Variants in GCN1 observed in about 807,000 individuals in gnomAD.
GCN1 encodes the protein stalled ribosome sensor GCN1.
In GCN1, 90 loss-of-function variants were observed where a neutral mutation model predicts 288.4. The ratio of observed to expected loss-of-function variants is 0.31; its 90% CI spans 0.26 to 0.37. GCN1 has a LOEUF of 0.37. Ranked by LOEUF, GCN1 falls within the 10% of genes least tolerant of loss-of-function variation. The pLI, the probability that GCN1 is intolerant of heterozygous loss-of-function variation, is 1.00. For missense variants in GCN1, 2,586 were observed against 3,419.9 expected (o/e 0.76, Z 6.08); for synonymous variants, 1,386 against 1,420.2 (o/e 0.98, Z 0.54).
chr12:120,178,978 A>C, intron 5 of GCN1, 28 bp from the exon 6 acceptor site: 1 of 1,578,852 alleles, frequency 6.3e-7, no homozygotes, highest in South Asian at 1.1e-5. Context: ...GACTCAGGTC[A>C]AGGTGGGACA....
At chr12:120,178,603 G>A (rs1220936929) in intron 7 of GCN1, 22 bp downstream of exon 7, 13 of 1,613,724 alleles carry the variant, frequency 8.1e-6, no homozygotes, top group Non-Finnish European at 9.3e-6. Flanking sequence ...CAAACCCACA[G>A]TCACTCTGCC....
intron 20 of GCN1, 27 bp from the exon 21 acceptor site, chr12:120,162,085 G>A: frequency 6.2e-7 from 1 of 1,605,446 alleles, no homozygotes; most frequent in Non-Finnish European, 8.5e-7. Context: ...GACATGGTCA[G>A]TGTGTGCCAA....
At chr12:120,178,523 G>A (rs1171074109) in intron 7 of GCN1, 102 bp downstream of exon 7, 1 of 1,192,774 alleles carries the variant, frequency 8.4e-7, no homozygotes, top group African/African-American at 1.5e-5. Flanking sequence ...AAGGTCAACA[G>A]CTAGGGTCAC....
In GCN1 at chr12:120,134,197, G is replaced by A. The variant is rs1328958314; in HGVS notation, c.7317+94C>T. On this transcript the variant is annotated intron_variant, in intron 53 of 57. Transcript: ENST00000300648. This position sits in a 1 kb window ranked among gnomAD's most constrained non-coding sequence, Gnocchi z 5.0. ...CAGGAATGCTTATTACTACTGAGCT[G>A]TACTGGTTCTAACACAAAGTGAAGA... 3 of 785,506 alleles carry A rather than the reference G, an allele frequency of 3.8e-6. No individual in the cohort carries two copies. Among genetic ancestry groups the A allele is most frequent in the South Asian group, 3.0e-5 (2 of 67,308 alleles). 48.7% of individuals were successfully genotyped at this position (785,506 alleles called of 1,614,324 possible).
chr12:120,167,680 A>G (rs1185956046), intron 16 of GCN1, among the ~76,000 whole-genome samples: 2 of 152,122 alleles, frequency 1.3e-5, no homozygotes, highest in African/African-American at 4.8e-5. Flanking sequence ...TTTTTCTAAA[A>G]CCAGGAAATG....
Position 120,136,886 on chromosome 12 carries a change from T to C in GCN1, c.6778-154A>G, listed in dbSNP as rs139980429. Among the ~76,000 whole-genome samples the C allele has an allele frequency of 6.6e-3, 1,005 of 152,290 alleles. 23 individuals are homozygous for C. The highest frequency in any genetic ancestry group is 0.023 in the African/African-American group (961 of 41,562). On this transcript the variant is annotated intron_variant, in intron 50 of 57. Coordinates refer to ENST00000300648, the MANE Select transcript of GCN1 (RefSeq NM_006836.2). ...TCTCAGGATCACAGCCTGAGAGGGC[T>C]GGCTATGGAACGGTCTTGGCAGAGA...
intron 14 of GCN1, among the ~76,000 whole-genome samples, chr12:120,173,371 A>G (rs1480532436): frequency 2.0e-5 from 3 of 152,116 alleles, no homozygotes; most frequent in African/African-American, 7.2e-5. Flanking sequence ...TATCTGAGTC[A>G]TTTCTCCATG....
chr12:120,182,172 A>C (rs1017165316), intron 5 of GCN1, among the ~76,000 whole-genome samples: 96 of 151,608 alleles, frequency 6.3e-4, no homozygotes, highest in Non-Finnish European at 1.4e-3. Context: ...AAAAAAAAAA[A>C]CAAAAAAAAC....
At chr12:120,163,483 G>A (rs182768305) in intron 18 of GCN1, among the ~76,000 whole-genome samples, 126 of 152,358 alleles carry the variant, frequency 8.3e-4, no homozygotes, top group African/African-American at 2.8e-3. Context: ...GCCTGCAGGG[G>A]TAAAGAAGGC....
chr12:120,189,774 T>C (rs1566322638), intron 2 of GCN1, among the ~76,000 whole-genome samples: 1 of 151,286 alleles, frequency 6.6e-6, no homozygotes, highest in African/African-American at 2.4e-5. Context: ...AGATCAGGAG[T>C]TCAGGACCAG....
rs754931634 is a variant in GCN1 at position 120,183,644 on chromosome 12, C to T, written c.351G>A (p.Leu117=). Residue 117 remains leucine (L), a synonymous_variant, in exon 5 of 58, where the codon TTG becomes TTA. Coordinates refer to ENST00000300648, the MANE Select transcript of GCN1 (RefSeq NM_006836.2). ...TGCGCACCAGGAGGCAGGTCCAGGT[C>T]AAGGCCAGCAAGGCGGCAGAGCCAC... The part of the protein sequence containing the change: ...KSSGSAALLA[L]TWTCLLVRIV... 4 of 1,613,374 alleles carry T rather than the reference C, an allele frequency of 2.5e-6. No individual in the cohort carries two copies. In the African/African-American group the frequency reaches 4.0e-5, roughly 16 times the overall value.
At position 120,153,506 on chromosome 12, in the gene GCN1, GGA is replaced by G; in HGVS notation, c.3868-101_3868-100del. 8.9e-7 allele frequency: 1 copy of G among 1,119,106 alleles called. No homozygotes were observed. Among genetic ancestry groups the G allele is most frequent in the Non-Finnish European group, 1.3e-6 (1 of 782,878 alleles). The allele number at this position is 1,119,106 out of a possible 1,614,324, so 69.3% of individuals were successfully genotyped here. A position where few individuals can be genotyped will look rare whatever the true frequency, so the allele number is the denominator to read the frequency against. On this transcript the variant is annotated intron_variant, in intron 32 of 57. Coordinates refer to ENST00000300648, the MANE Select transcript of GCN1 (RefSeq NM_006836.2). This position sits in a 1 kb window ranked among gnomAD's most constrained non-coding sequence, Gnocchi z 4.4. ...AGGACCAAGACCAAGTCTAGCTCTG[GGA>G]CAGGCATCCTGACATGCCAGCCAGT...
rs1566294239 is a variant in GCN1, at chr12:120,127,826, A to ATGC, written c.*20_*22dup. On this transcript the variant is annotated 3_prime_UTR_variant, in exon 58 of 58. Transcript: ENST00000300648. ...CATTGAGCAAAGATGTGGAGCGGCA[A>ATGC]TGCTGCTGCTGGCCCAGGCCTCTCA... 13 of 1,608,026 alleles carry ATGC rather than the reference A, an allele frequency of 8.1e-6. No homozygotes were observed. Among genetic ancestry groups the ATGC allele is most frequent in the Non-Finnish European group, 1.0e-5 (12 of 1,175,094 alleles).
At position 120,155,160 on chromosome 12, in the gene GCN1, G is replaced by C. The variant is rs1877700579; in HGVS notation, c.3630+81C>G. The C allele has an allele frequency of 2.6e-6, 4 of 1,532,848 alleles. No individual in the cohort carries two copies. The highest frequency in any genetic ancestry group is 2.7e-5 in the African/African-American group (2 of 73,302). The allele number at this position is 1,532,848 out of a possible 1,614,324, so 95.0% of individuals were successfully genotyped here. ...AGCCACCGTGAGCCCCGAGATTCCTGTCTGGAGCAGTAGCGGGGTGAGCAG... is the reference window on the plus strand; with the variant it reads ...AGCCACCGTGAGCCCCGAGATTCCTCTCTGGAGCAGTAGCGGGGTGAGCAG... On this transcript the variant is annotated intron_variant, in intron 30 of 57. Transcript: ENST00000300648. The surrounding 1 kb of genome is among the most constrained non-coding windows in gnomAD (Gnocchi z 4.9).
intron 50 of GCN1, among the ~76,000 whole-genome samples, 153 bp from the exon 51 acceptor site, chr12:120,136,885 C>G (rs964023545): frequency 6.6e-6 from 1 of 152,180 alleles, no homozygotes; most frequent in African/African-American, 2.4e-5. Context: ...CCTGAGAGGG[C>G]TGGCTATGGA....
At chr12:120,191,123 CT>C (rs1566323311) in intron 1 of GCN1, among the ~76,000 whole-genome samples, 2 of 152,190 alleles carry the variant, frequency 1.3e-5, no homozygotes, top group Non-Finnish European at 2.9e-5. Context: ...AAGTTGGCTA[CT>C]ACTACCAAAA....
At chr12:120,173,378 C>T (rs1878371058) in intron 14 of GCN1, among the ~76,000 whole-genome samples, 1 of 152,196 alleles carries the variant, frequency 6.6e-6, no homozygotes, top group Non-Finnish European at 1.5e-5. Context: ...GTCATTTCTC[C>T]ATGATTTCAG....
At position 120,134,232 on chromosome 12, in the gene GCN1, A is replaced by T; in HGVS notation, c.7317+59T>A. On this transcript the variant is annotated intron_variant, in intron 53 of 57. Transcript: ENST00000300648. The surrounding 1 kb of genome is among the most constrained non-coding windows in gnomAD (Gnocchi z 5.0). ...TAACACAAAGTGAAGAACTCAACCT[A>T]AGGAGGAGGAGGGAAACCAGTGGTC... The T allele has an allele frequency of 1.8e-6, 2 of 1,125,792 alleles. No individual in the cohort carries two copies. Among genetic ancestry groups the T allele is most frequent in the Admixed American group, 3.4e-5 (2 of 59,016 alleles). The allele number at this position is 1,125,792 out of a possible 1,614,324, so 69.7% of individuals were successfully genotyped here.
Position 120,153,532 on chromosome 12 carries a change from G to C in GCN1, c.3868-125C>G. The C allele has an allele frequency of 1.1e-6, 1 of 934,120 alleles. No individual in the cohort carries two copies. The highest frequency in any genetic ancestry group is 1.6e-6 in the Non-Finnish European group (1 of 624,176). 57.9% of individuals were successfully genotyped at this position (934,120 alleles called of 1,614,324 possible). On this transcript the variant is annotated intron_variant, in intron 32 of 57. Coordinates refer to ENST00000300648, the MANE Select transcript of GCN1 (RefSeq NM_006836.2). The surrounding 1 kb of genome is among the most constrained non-coding windows in gnomAD (Gnocchi z 4.4). Reference sequence around the variant, plus strand: ...GACAGGCATCCTGACATGCCAGCCAGTGGCTCTTCCAGTTTTCTGGCAGGA... The same window carrying C: ...GACAGGCATCCTGACATGCCAGCCACTGGCTCTTCCAGTTTTCTGGCAGGA...
Sources: gnomAD v4.1 joint callset for allele counts (sites outside exome capture counted in the v4.1 genomes callset) on GRCh38, gnomAD v4.1.1 for gene constraint, Gnocchi (gnomAD v3.1) non-coding constraint, MANE v1.5 for transcripts, NCBI Gene and HGNC (gene_info 2026-07-23, HGNC 2026-07-21) for gene names.